The following MDGA2 variants were observed in gnomAD, a reference collection of about 807,000 sequenced individuals.
MDGA2 encodes the protein MAM domain-containing glycosylphosphatidylinositol anchor protein 2.
In MDGA2, 40 loss-of-function variants were observed where a neutral mutation model predicts 117.8. The ratio of observed to expected loss-of-function variants is 0.34; its 90% CI spans 0.26 to 0.44. MDGA2 has a LOEUF of 0.44. Ranked by LOEUF, MDGA2 falls within the 20% of genes least tolerant of loss-of-function variation. The probability of loss-of-function intolerance (pLI) is 1.00; values close to 1 mark genes in which losing one functional copy is unlikely to be tolerated. For missense variants in MDGA2, 1,123 were observed against 1,250.6 expected (o/e 0.90, Z 1.54); for synonymous variants, 452 against 439.0 (o/e 1.03, Z -0.37).
chr14:46,977,163 C>G (rs564414811), intron 8 of MDGA2, among the ~76,000 whole-genome samples: 1 of 151,736 alleles, frequency 6.6e-6, no homozygotes, highest in East Asian at 1.9e-4. Context: ...TATGTATCAT[C>G]AAGCTCCAAG....
intron 3 of MDGA2, among the ~76,000 whole-genome samples, chr14:47,149,813 T>C (rs983636325): frequency 6.6e-6 from 1 of 152,224 alleles, no homozygotes; most frequent in African/African-American, 2.4e-5. Flanking sequence ...TCTGTGTCAC[T>C]ATCCTCACTT....
At chr14:46,881,641 G>A (rs1882464599) in intron 11 of MDGA2, among the ~76,000 whole-genome samples, 1 of 151,950 alleles carries the variant, frequency 6.6e-6, no homozygotes, top group African/African-American at 2.4e-5. Flanking sequence ...ACCTTAAACT[G>A]CTCAAAAACT....
rs1360482584 is a variant in MDGA2 at position 47,183,082 on chromosome 14, T to C, written c.595+34939A>G. Reference sequence around the variant, plus strand: ...CATTTGGTTGTTTTCTGAACATTTATATGTATACATGTTCAAAATTAGACT... The same window carrying C: ...CATTTGGTTGTTTTCTGAACATTTACATGTATACATGTTCAAAATTAGACT... On this transcript the variant is annotated intron_variant, in intron 3 of 16. Coordinates refer to ENST00000399232, the MANE Select transcript of MDGA2 (RefSeq NM_001113498.3). Among the ~76,000 whole-genome samples the C allele has an allele frequency of 5.3e-5, 8 of 152,188 alleles. No individual in the cohort carries two copies. The East Asian group carries it at 1.5e-3, about 29-fold the overall frequency.
At chr14:47,012,630 G>A (rs1887933799) in intron 8 of MDGA2, among the ~76,000 whole-genome samples, 1 of 152,156 alleles carries the variant, frequency 6.6e-6, no homozygotes, top group African/African-American at 2.4e-5. Context: ...TTAGCATAAA[G>A]TGAGTGTTCC....
chr14:47,074,363 T>C (rs1320996619), intron 6 of MDGA2, among the ~76,000 whole-genome samples: 1 of 151,512 alleles, frequency 6.6e-6, no homozygotes, highest in African/African-American at 2.4e-5. Context: ...TGCAGTGCGG[T>C]GGCGCGATCT....
At chr14:47,351,141 C>T (rs559090017) in intron 1 of MDGA2, among the ~76,000 whole-genome samples, 1 of 147,102 alleles carries the variant, frequency 6.8e-6, no homozygotes, top group African/African-American at 2.5e-5. Flanking sequence ...TGCAATGGCA[C>T]GATCTTGTCT....
intron 1 of MDGA2, among the ~76,000 whole-genome samples, chr14:47,304,707 G>A (rs1889387138): frequency 6.6e-6 from 1 of 152,048 alleles, no homozygotes; most frequent in African/African-American, 2.4e-5. Context: ...ACATTTCATA[G>A]AGTCCTAATC....
chr14:47,516,734 TCAA>T (rs768701903), intron 1 of MDGA2, among the ~76,000 whole-genome samples: 1 of 152,160 alleles, frequency 6.6e-6, no homozygotes, highest in Non-Finnish European at 1.5e-5. Context: ...AAGCCAAACT[TCAA>T]AGATGACATC....
At chr14:47,286,267 G>GA (rs1594773494) in intron 2 of MDGA2, among the ~76,000 whole-genome samples, 1 of 151,956 alleles carries the variant, frequency 6.6e-6, no homozygotes, top group East Asian at 1.9e-4. Flanking sequence ...TTGAAATGTA[G>GA]AAAAATTTAT....
chr14:47,323,609 G>C (rs1197319922), intron 1 of MDGA2, among the ~76,000 whole-genome samples: 2 of 151,844 alleles, frequency 1.3e-5, no homozygotes, highest in Non-Finnish European at 2.9e-5. Context: ...TCCAGGCTGG[G>C]CAACAGAGTA....
chr14:47,569,696 C>T (rs931056916), intron 1 of MDGA2, among the ~76,000 whole-genome samples: 4 of 152,156 alleles, frequency 2.6e-5, no homozygotes, highest in African/African-American at 9.7e-5. Context: ...GTCAGAATTT[C>T]CATTACTACA....
At chr14:47,050,356 G>A (rs1307826778) in intron 7 of MDGA2, among the ~76,000 whole-genome samples, 1 of 152,014 alleles carries the variant, frequency 6.6e-6, no homozygotes, top group Non-Finnish European at 1.5e-5. Flanking sequence ...CTAGCAATGA[G>A]AATGTAAGAA....
chr14:47,609,461 A>ATATATATATATATATATATG (rs1896806910), intron 1 of MDGA2, among the ~76,000 whole-genome samples: 1 of 113,410 alleles, frequency 8.8e-6, no homozygotes, highest in Non-Finnish European at 1.9e-5. Flanking sequence ...ATATATATAT[A>ATATATATATATATATATATG]TATAAGTTTC....
intron 5 of MDGA2, among the ~76,000 whole-genome samples, chr14:47,123,958 G>C (rs939103182): frequency 6.6e-6 from 1 of 151,978 alleles, no homozygotes; most frequent in Non-Finnish European, 1.5e-5. Context: ...TTATACTTTT[G>C]AATGTTAAAA....
intron 5 of MDGA2, among the ~76,000 whole-genome samples, chr14:47,108,014 C>G (rs956247240): frequency 2.0e-5 from 3 of 147,142 alleles, no homozygotes; most frequent in South Asian, 4.3e-4. Context: ...ATCAGCCAAG[C>G]AGTTTTTCAG....
chr14:47,519,307 C>A (rs996527362), intron 1 of MDGA2, among the ~76,000 whole-genome samples: 5 of 152,140 alleles, frequency 3.3e-5, no homozygotes, highest in Admixed American at 1.3e-4. Flanking sequence ...TGCATACCTA[C>A]ATTCTAATTT....
chr14:47,139,716 A>C (rs1202957990), intron 4 of MDGA2, among the ~76,000 whole-genome samples: 1 of 150,538 alleles, frequency 6.6e-6, no homozygotes, highest in African/African-American at 2.4e-5. Context: ...AGTTCAAGAA[A>C]TCAATAACAT....
chr14:47,320,656 C>T (rs969259684), intron 1 of MDGA2, among the ~76,000 whole-genome samples: 1 of 152,104 alleles, frequency 6.6e-6, no homozygotes, highest in African/African-American at 2.4e-5. Context: ...TAATGATGCT[C>T]TCAACCTTCC....
intron 9 of MDGA2, among the ~76,000 whole-genome samples, chr14:46,933,799 AAT>A (rs34723414): frequency 0.014 from 1,165 of 85,952 alleles, 9 homozygotes; most frequent in Non-Finnish European, 0.018. Flanking sequence ...TTATGTAACA[AAT>A]ATATATATAT....
Sources: allele counts gnomAD v4.1 joint callset (sites outside exome capture counted in the v4.1 genomes callset), GRCh38; gene constraint gnomAD v4.1.1; transcripts MANE v1.5; gene names NCBI Gene and HGNC (gene_info 2026-07-23, HGNC 2026-07-21).